ATF7IP: variants seen among roughly 807,000 people sequenced by gnomAD.
ATF7IP encodes the protein activating transcription factor 7 interacting protein, also known as activating transcription factor 7-interacting protein 1.
Under a neutral mutation model 106.4 loss-of-function variants are expected in ATF7IP, and 23 were observed. That is an observed-to-expected ratio of 0.22 (90% CI 0.16 to 0.31). ATF7IP has a LOEUF of 0.31. Ranked by LOEUF, ATF7IP falls within the 10% of genes least tolerant of loss-of-function variation. ATF7IP has a pLI of 1.00. For synonymous variants in ATF7IP, 542 were observed against 539.0 expected (o/e 1.01, Z -0.08); for missense variants, 1,334 against 1,524.3 (o/e 0.88, Z 2.08).
intron 8 of ATF7IP, among the ~76,000 whole-genome samples, chr12:14,458,648 C>G (rs1943526729): frequency 6.6e-6 from 1 of 151,794 alleles, no homozygotes; most frequent in Non-Finnish European, 1.5e-5. Flanking sequence ...CATAGTGAAA[C>G]TCTCTCTCTA....
intron 1 of ATF7IP, chr12:14,385,230 C>CT: frequency 1.8e-6 from 1 of 555,710 alleles, no homozygotes; most frequent in Non-Finnish European, 3.1e-6. Flanking sequence ...TGTTACATAG[C>CT]TGAGTTTTCA....
intron 1 of ATF7IP, chr12:14,385,213 CTTTG>C (rs1294811487): frequency 2.8e-5 from 14 of 507,252 alleles, no homozygotes; most frequent in Middle Eastern, 3.1e-4. Context: ...GTGGGAGGGG[CTTTG>C]TTTGTTACAT....
intron 1 of ATF7IP, among the ~76,000 whole-genome samples, chr12:14,377,335 G>A (rs528148157): frequency 4.1e-4 from 62 of 149,664 alleles, no homozygotes; most frequent in African/African-American, 1.5e-3. Context: ...GTGTGGTTAC[G>A]GTTACAAATT....
chr12:14,371,898 A>T (rs768713020), intron 1 of ATF7IP, among the ~76,000 whole-genome samples: 1 of 152,120 alleles, frequency 6.6e-6, no homozygotes, highest in Non-Finnish European at 1.5e-5. Context: ...AGTCACATGT[A>T]TAAAGAAGCT....
At chr12:14,432,142 C>T (rs1305791855) in intron 2 of ATF7IP, among the ~76,000 whole-genome samples, 1 of 152,056 alleles carries the variant, frequency 6.6e-6, no homozygotes, top group Non-Finnish European at 1.5e-5. Context: ...CCATAGCAGG[C>T]CAGTTTATTC....
chr12:14,384,867 A>G (rs1197018801), intron 1 of ATF7IP, among the ~76,000 whole-genome samples: 5 of 68,528 alleles, frequency 7.3e-5, no homozygotes, highest in African/African-American at 1.5e-4. Flanking sequence ...TAAAACTATA[A>G]AAGGTAAAAA....
At chr12:14,427,605 C>G (rs1032965891) in intron 2 of ATF7IP, among the ~76,000 whole-genome samples, 12 of 152,260 alleles carry the variant, frequency 7.9e-5, no homozygotes, top group African/African-American at 2.9e-4. Flanking sequence ...ACCTCGTGAT[C>G]CTCCTGCCTC....
intron 2 of ATF7IP, among the ~76,000 whole-genome samples, chr12:14,427,205 T>C (rs541911497): frequency 4.0e-5 from 6 of 151,122 alleles, no homozygotes; most frequent in African/African-American, 1.5e-4. Context: ...TCACTGCAGC[T>C]TCCACTTTAC....
intron 11 of ATF7IP, among the ~76,000 whole-genome samples, chr12:14,477,006 A>T (rs542552710): frequency 9.2e-4 from 140 of 152,306 alleles, no homozygotes; most frequent in African/African-American, 3.3e-3. Flanking sequence ...GCTAATTTAT[A>T]ATGTAAATCT....
intron 1 of ATF7IP, among the ~76,000 whole-genome samples, chr12:14,413,006 C>G (rs965174050): frequency 1.5e-4 from 23 of 152,148 alleles, no homozygotes; most frequent in Non-Finnish European, 1.3e-4. Context: ...AGAGAGGGAC[C>G]ATGTCTCAAA....
chr12:14,387,932 A>T (rs1466167239), intron 1 of ATF7IP, among the ~76,000 whole-genome samples: 3 of 152,048 alleles, frequency 2.0e-5, no homozygotes, highest in Non-Finnish European at 4.4e-5. Context: ...AAGGGTCCAA[A>T]CCTGAATTTG....
At chr12:14,382,837 C>T (rs977800866) in intron 1 of ATF7IP, among the ~76,000 whole-genome samples, 1 of 151,990 alleles carries the variant, frequency 6.6e-6, no homozygotes, top group African/African-American at 2.4e-5. Context: ...TGATGATATG[C>T]ATAAAAGATA....
Position 14,498,901 on chromosome 12 carries a change from C to T in ATF7IP, c.*828C>T, listed in dbSNP as rs920815256. The T allele has an allele frequency of 1.2e-4, 18 of 152,214 alleles. No homozygotes were observed. The highest frequency in any genetic ancestry group is 6.6e-3 in the Middle Eastern group (2 of 302). The allele number at this position is 152,214 out of a possible 1,614,324, so 9.4% of individuals were successfully genotyped here. ...TGCTCTTGTTGCCCAGGCTAGAGTGCGGTGGCACAATCTTGGCTCACTGCA... is the reference window on the plus strand; with the variant it reads ...TGCTCTTGTTGCCCAGGCTAGAGTGTGGTGGCACAATCTTGGCTCACTGCA... On this transcript the variant is annotated 3_prime_UTR_variant, in exon 15 of 15. Transcript: ENST00000261168.
chr12:14,461,468 A>C (rs1943635810), intron 9 of ATF7IP, among the ~76,000 whole-genome samples: 2 of 152,192 alleles, frequency 1.3e-5, no homozygotes, highest in South Asian at 4.1e-4. Flanking sequence ...AAAACATTTT[A>C]AAGTATCAAA....
rs533434311 is a variant in ATF7IP, at chr12:14,406,378, C to A, written c.-7-17531C>A. ...CCTCCCAAAGTGCTGGGATTACTGG[C>A]GAGAGCCACCGCGCCTGGCCTGTAG... On this transcript the variant is annotated intron_variant, in intron 1 of 14. Transcript: ENST00000261168. Among the ~76,000 whole-genome samples, 49 of 152,136 alleles carry A rather than the reference C, an allele frequency of 3.2e-4. 1 individual carries two copies. Among genetic ancestry groups the A allele is most frequent in the African/African-American group, 1.1e-3 (44 of 41,518 alleles).
At chr12:14,413,773 G>GT (rs982346051) in intron 1 of ATF7IP, among the ~76,000 whole-genome samples, 2 of 151,448 alleles carry the variant, frequency 1.3e-5, no homozygotes, top group Admixed American at 1.3e-4. Context: ...TAATAAAAGG[G>GT]TTTTTTTTCA....
chr12:14,381,263 A>ACG (rs1387502622), intron 1 of ATF7IP, among the ~76,000 whole-genome samples: 3 of 152,032 alleles, frequency 2.0e-5, no homozygotes, highest in African/African-American at 7.2e-5. Flanking sequence ...ACAGAGTCTC[A>ACG]TTCGGTCGCC....
chr12:14,492,023 C>T (rs1944842593), intron 13 of ATF7IP, among the ~76,000 whole-genome samples: 1 of 152,202 alleles, frequency 6.6e-6, no homozygotes, highest in African/African-American at 2.4e-5. Flanking sequence ...TTAGAGGCAG[C>T]TCTAATGGCT....
chr12:14,388,775 G>C (rs931819194), intron 1 of ATF7IP, among the ~76,000 whole-genome samples: 8 of 152,144 alleles, frequency 5.3e-5, no homozygotes, highest in Admixed American at 5.2e-4. Context: ...CTCCTGAGTA[G>C]CTGGTATTAC....
Sources: allele counts gnomAD v4.1 joint callset (sites outside exome capture counted in the v4.1 genomes callset), GRCh38; gene constraint gnomAD v4.1.1; transcripts MANE v1.5; gene names NCBI Gene and HGNC (gene_info 2026-07-23, HGNC 2026-07-21).